The following ZNF503 variants were observed in gnomAD, a reference collection of about 807,000 sequenced individuals.
ZNF503 encodes the protein zinc finger protein 503, also known as NocA-like zinc finger 2.
Under a neutral mutation model 34.4 loss-of-function variants are expected in ZNF503, and 15 were observed. The observed-to-expected ratio is 0.44, with a 90% CI of 0.29 to 0.67. ZNF503 has a LOEUF of 0.67. Among genes scored for constraint, ZNF503 ranks in the 30% least tolerant of loss-of-function variants. The probability of loss-of-function intolerance (pLI) is 0.13; values close to 1 mark genes in which losing one functional copy is unlikely to be tolerated. For synonymous variants in ZNF503, 580 were observed against 456.8 expected (o/e 1.27, Z -3.44); for missense variants, 1,007 against 926.8 (o/e 1.09, Z -1.12).
rs1843742256 is a variant in ZNF503 at position 75,399,000 on chromosome 10, C to G, written c.1690G>C (p.Ala564Pro). 6.2e-7 allele frequency: 1 copy of G among 1,607,242 alleles called. No individual in the cohort carries two copies. Among genetic ancestry groups the G allele is most frequent in the Non-Finnish European group, 8.5e-7 (1 of 1,179,356 alleles). Residue 564 changes from alanine (A) to proline (P), a missense_variant, in exon 2 of 2, where the codon GCT becomes CCT. Transcript: ENST00000372524. ...TGGCAAGCCATGGCGGCCGCGGCAG[C>G]GCTGGCCAGAGACGACGAGCTGGGG... is the stretch of plus-strand genomic sequence containing the variant. ...GYPSSSSLASAAAAAMACHMH... is the reference protein window; with the variant it reads ...GYPSSSSLASPAAAAMACHMH...
At chr10:75,382,240 TAAAC>T in the ZNF503 span, among the ~76,000 whole-genome samples, 1 of 152,150 alleles carries the variant, frequency 6.6e-6, no homozygotes, top group Non-Finnish European at 1.5e-5. Context: ...TATGTTTAAT[TAAAC>T]AAATGCTCAT....
the ZNF503 span, among the ~76,000 whole-genome samples, chr10:75,293,030 C>T: frequency 6.6e-6 from 1 of 152,184 alleles, no homozygotes; most frequent in Non-Finnish European, 1.5e-5. Flanking sequence ...CGATGGGTTG[C>T]AGGGATAGGT....
the ZNF503 span, among the ~76,000 whole-genome samples, chr10:75,351,904 G>C: frequency 1.3e-5 from 2 of 152,068 alleles, no homozygotes; most frequent in East Asian, 1.9e-4. Context: ...TTTACAAATG[G>C]GGAAATATTA....
the ZNF503 span, among the ~76,000 whole-genome samples, chr10:75,299,580 G>A: frequency 2.0e-5 from 3 of 152,060 alleles, no homozygotes; most frequent in South Asian, 6.2e-4. Flanking sequence ...CTAATTATCG[G>A]GGGAAATTCA....
chr10:75,398,655 CG>C lies in ZNF503; in HGVS notation c.*93del. 8.6e-7 allele frequency: 1 copy of C among 1,168,878 alleles called. No individual in the cohort carries two copies. Among genetic ancestry groups the C allele is most frequent in the South Asian group, 3.2e-5 (1 of 30,856 alleles). 72.4% of individuals were successfully genotyped at this position (1,168,878 alleles called of 1,614,324 possible). ...TCGTGGCCCGAGTCCTCCCCACGCG[CG>C]GGTGTCAGCAGCCTGGGCCGTGATC... On this transcript the variant is annotated 3_prime_UTR_variant, in exon 2 of 2. Transcript: ENST00000372524.
chr10:75,287,401 A>G, the ZNF503 span, among the ~76,000 whole-genome samples: 1 of 151,972 alleles, frequency 6.6e-6, no homozygotes, highest in Admixed American at 6.6e-5. Context: ...TAGGGGACAT[A>G]TCCATCTACC....
At chr10:75,354,735 A>AAACG in the ZNF503 span, among the ~76,000 whole-genome samples, 1 of 151,646 alleles carries the variant, frequency 6.6e-6, no homozygotes, top group Non-Finnish European at 1.5e-5. Flanking sequence ...ACAAACAAAC[A>AAACG]AAAAAAAACT....
the ZNF503 span, among the ~76,000 whole-genome samples, chr10:75,324,443 C>G: frequency 6.6e-6 from 1 of 152,192 alleles, no homozygotes; most frequent in South Asian, 2.1e-4. Context: ...ATCCTCCCAC[C>G]TCAGCCTCCC....
At chr10:75,306,270 G>A in the ZNF503 span, among the ~76,000 whole-genome samples, 2 of 152,092 alleles carry the variant, frequency 1.3e-5, no homozygotes, top group African/African-American at 4.8e-5. Flanking sequence ...TTGTGCTTTT[G>A]ATTTGCATTT....
the ZNF503 span, among the ~76,000 whole-genome samples, chr10:75,285,914 C>T: frequency 1.6e-3 from 245 of 152,118 alleles, no homozygotes; most frequent in African/African-American, 5.7e-3. Flanking sequence ...GCTGAGGGAG[C>T]GGGTCTTGAG....
chr10:75,396,000 C>T (rs1477077158), downstream of ZNF503, among the ~76,000 whole-genome samples: 3 of 152,174 alleles, frequency 2.0e-5, no homozygotes, highest in African/African-American at 4.8e-5. This position sits in a 1 kb window ranked among gnomAD's most constrained non-coding sequence, Gnocchi z 4.4. Flanking sequence ...AAAAGAGGCA[C>T]AGCCTGTGGG....
the ZNF503 span, among the ~76,000 whole-genome samples, chr10:75,299,873 G>A: frequency 5.3e-5 from 8 of 152,184 alleles, no homozygotes; most frequent in Non-Finnish European, 8.8e-5. Flanking sequence ...ATATCACAAG[G>A]CAAATAGAGG....
At chr10:75,345,676 A>C in the ZNF503 span, among the ~76,000 whole-genome samples, 1 of 151,844 alleles carries the variant, frequency 6.6e-6, no homozygotes, top group Non-Finnish European at 1.5e-5. Context: ...AAAGAAAAAA[A>C]AAGAAAGGAC....
chr10:75,311,399 C>T, the ZNF503 span, among the ~76,000 whole-genome samples: 1 of 152,168 alleles, frequency 6.6e-6, no homozygotes, highest in Non-Finnish European at 1.5e-5. Flanking sequence ...TACTTTTCAT[C>T]CTTCAATCCA....
In ZNF503 at chr10:75,399,791, C is replaced by G; in HGVS notation, c.899G>C (p.Gly300Ala). 6.3e-7 allele frequency: 1 copy of G among 1,597,630 alleles called. No individual in the cohort carries two copies. The highest frequency in any genetic ancestry group is 8.5e-7 in the Non-Finnish European group (1 of 1,175,002). Residue 300 changes from glycine (G) to alanine (A), a missense_variant, in exon 2 of 2, where the codon GGG becomes GCG. Coordinates refer to ENST00000372524, the MANE Select transcript of ZNF503 (RefSeq NM_032772.6). ...GCCCAGAGCCTTGCCTCCCGGGCCC[C>G]CATCCGGATGCTGGTTCACATCCAC... is the stretch of plus-strand genomic sequence containing the variant. ...INVDVNQHPD[G>A]GPGGKALGSD...
chr10:75,303,361 A>G, the ZNF503 span, among the ~76,000 whole-genome samples: 14 of 152,216 alleles, frequency 9.2e-5, no homozygotes, highest in African/African-American at 3.4e-4. Flanking sequence ...CTGATCCCAC[A>G]TATAGTTGGA....
the ZNF503 span, chr10:75,358,147 C>T: frequency 6.6e-6 from 1 of 152,176 alleles, no homozygotes; most frequent in Admixed American, 6.5e-5. Context: ...AATCCTGGTT[C>T]CCTAAGCTTT....
chr10:75,378,718 T>C, the ZNF503 span, among the ~76,000 whole-genome samples: 4 of 152,080 alleles, frequency 2.6e-5, no homozygotes, highest in East Asian at 1.9e-4. Context: ...CATTTGGAGT[T>C]TGAAGTCAGC....
chr10:75,401,027 C>G (rs972735547), intron 1 of ZNF503, 78 bp downstream of exon 1: 1 of 1,591,476 alleles, frequency 6.3e-7, no homozygotes, highest in Admixed American at 1.7e-5. Context: ...CACCTCCGCC[C>G]AGATCCCGAG....
Sources: gnomAD v4.1 joint callset for allele counts (sites outside exome capture counted in the v4.1 genomes callset) on GRCh38, gnomAD v4.1.1 for gene constraint, Gnocchi (gnomAD v3.1) non-coding constraint, MANE v1.5 for transcripts, NCBI Gene and HGNC (gene_info 2026-07-23, HGNC 2026-07-21) for gene names.